Variants in CNBD1 observed in about 807,000 individuals in gnomAD.
The protein encoded by CNBD1 is cyclic nucleotide-binding domain-containing protein 1.
In CNBD1, 71 loss-of-function variants were observed where a neutral mutation model predicts 54.4. The observed-to-expected ratio is 1.30, with a 90% confidence interval of 1.08 to 1.59. The LOEUF is 1.59. Ranked by LOEUF, CNBD1 falls within the 40% of genes most tolerant of loss-of-function variation. The pLI is 0.00. For synonymous variants in CNBD1, 182 were observed against 170.7 expected (o/e 1.07, Z -0.51); for missense variants, 659 against 518.0 (o/e 1.27, Z -2.64).
At chr8:87,347,764 T>G (rs1462501183) in intron 8 of CNBD1, among the ~76,000 whole-genome samples, 1 of 152,132 alleles carries the variant, frequency 6.6e-6, no homozygotes, top group Non-Finnish European at 1.5e-5. Context: ...AGCATTTGTC[T>G]TACATTGCCT....
At chr8:87,190,982 A>T (rs1039920222) in intron 4 of CNBD1, among the ~76,000 whole-genome samples, 12 of 144,944 alleles carry the variant, frequency 8.3e-5, no homozygotes, top group African/African-American at 3.1e-4. Flanking sequence ...ATATATATGT[A>T]TCTAATGAAA....
intron 10 of CNBD1, among the ~76,000 whole-genome samples, chr8:87,355,523 C>T (rs978500408): frequency 9.2e-5 from 14 of 151,856 alleles, no homozygotes; most frequent in African/African-American, 2.9e-4. Flanking sequence ...CCTCCAAATA[C>T]TATAAATACT....
At chr8:87,036,625 G>A (rs1022505854) in intron 4 of CNBD1, among the ~76,000 whole-genome samples, 7 of 143,342 alleles carry the variant, frequency 4.9e-5, no homozygotes, top group African/African-American at 1.8e-4. Context: ...AAAAAGATTG[G>A]TCACAGGTGT....
At chr8:87,280,369 A>C (rs1296500425) in intron 6 of CNBD1, among the ~76,000 whole-genome samples, 1 of 151,556 alleles carries the variant, frequency 6.6e-6, no homozygotes, top group Non-Finnish European at 1.5e-5. Context: ...AAGCTAATAG[A>C]AACTCATTCA....
chr8:87,026,272 T>A (rs972121211), intron 4 of CNBD1, among the ~76,000 whole-genome samples: 9 of 151,754 alleles, frequency 5.9e-5, no homozygotes, highest in South Asian at 4.2e-4. Context: ...ACTGAAGAGT[T>A]TTTCTTTTCT....
At chr8:87,208,990 G>C (rs1814035521) in intron 5 of CNBD1, among the ~76,000 whole-genome samples, 1 of 151,858 alleles carries the variant, frequency 6.6e-6, no homozygotes, top group Non-Finnish European at 1.5e-5. Flanking sequence ...TAAAAATATG[G>C]TAGCTAAATC....
chr8:87,036,194 T>C (rs1809938836), intron 4 of CNBD1, among the ~76,000 whole-genome samples: 1 of 152,212 alleles, frequency 6.6e-6, no homozygotes, highest in African/African-American at 2.4e-5. Flanking sequence ...ATCTCTTACA[T>C]CCATTAAATT....
chr8:87,038,746 A>G (rs1810001949), intron 4 of CNBD1, among the ~76,000 whole-genome samples: 1 of 152,198 alleles, frequency 6.6e-6, no homozygotes, highest in African/African-American at 2.4e-5. Context: ...ATGTCTTCCA[A>G]AGTTAGCTTG....
At chr8:86,880,459 A>G (rs1808590987) in intron 1 of CNBD1, among the ~76,000 whole-genome samples, 3 of 152,370 alleles carry the variant, frequency 2.0e-5, no homozygotes, top group Admixed American at 2.0e-4. Context: ...GAAGATTTAT[A>G]CTATATGGGA....
chr8:86,939,180 A>G (rs558455327), intron 3 of CNBD1, among the ~76,000 whole-genome samples: 72 of 152,278 alleles, frequency 4.7e-4, no homozygotes, highest in African/African-American at 1.7e-3. Context: ...ATAGATTACC[A>G]GTGGTAAATA....
At chr8:87,369,560 T>C (rs1183558747) in intron 10 of CNBD1, among the ~76,000 whole-genome samples, 1 of 151,942 alleles carries the variant, frequency 6.6e-6, no homozygotes, top group Non-Finnish European at 1.5e-5. Context: ...TGTTTGAAGA[T>C]TAGTTTTGTT....
chr8:87,419,041 G>T (rs1487808024), intron 2 of CNBD1, among the ~76,000 whole-genome samples: 1 of 151,834 alleles, frequency 6.6e-6, no homozygotes, highest in Non-Finnish European at 1.5e-5. Flanking sequence ...GTGCCAAAGT[G>T]TAAACAACCT....
At chr8:87,360,060 T>A (rs1253342644) in intron 10 of CNBD1, among the ~76,000 whole-genome samples, 1 of 152,004 alleles carries the variant, frequency 6.6e-6, no homozygotes, top group African/African-American at 2.4e-5. Context: ...ATACTCTCTA[T>A]TTGGTCTTAT....
intron 4 of CNBD1, among the ~76,000 whole-genome samples, chr8:87,148,319 T>C (rs1812531776): frequency 6.6e-6 from 1 of 152,216 alleles, no homozygotes; most frequent in African/African-American, 2.4e-5. Context: ...ATGGCGTGAT[T>C]TGTCATTAAA....
At chr8:87,293,765 A>G (rs773836212) in intron 8 of CNBD1, among the ~76,000 whole-genome samples, 48 of 152,182 alleles carry the variant, frequency 3.2e-4, no homozygotes, top group East Asian at 5.8e-4. Flanking sequence ...ATATCAACAC[A>G]CACAGTGGAA....
chr8:87,130,477 T>G (rs1812095269), intron 4 of CNBD1, among the ~76,000 whole-genome samples: 1 of 152,126 alleles, frequency 6.6e-6, no homozygotes, highest in African/African-American at 2.4e-5. Flanking sequence ...TCTGGTTGTC[T>G]TTTAAAAATT....
At chr8:87,312,188 T>C (rs1300070387) in intron 8 of CNBD1, among the ~76,000 whole-genome samples, 2 of 151,994 alleles carry the variant, frequency 1.3e-5, no homozygotes, top group Non-Finnish European at 2.9e-5. Flanking sequence ...AAACATATAT[T>C]CCCCTCCCCC....
rs547782745 is a variant in CNBD1, at chr8:86,966,027, G to T, written c.431+26273G>T. 1.4e-4 allele frequency among the ~76,000 whole-genome samples: 22 copies of T among 152,250 alleles called. No homozygotes were observed. In the Middle Eastern group the frequency reaches 0.014, roughly 94 times the overall value. ...GGTTGTCCTCTGCCCTTCTCTGGCTGAGCCCAGGGCTTTTATGGACCTCAA... is the reference window on the plus strand; with the variant it reads ...GGTTGTCCTCTGCCCTTCTCTGGCTTAGCCCAGGGCTTTTATGGACCTCAA... On this transcript the variant is annotated intron_variant, in intron 4 of 10. Coordinates refer to ENST00000518476, the MANE Select transcript of CNBD1 (RefSeq NM_173538.3).
At chr8:87,298,779 C>T (rs140242162) in intron 8 of CNBD1, among the ~76,000 whole-genome samples, 99 of 150,886 alleles carry the variant, frequency 6.6e-4, no homozygotes, top group African/African-American at 2.0e-3. Flanking sequence ...CCACCATGCC[C>T]GGCCCAAATG....
Sources: allele counts gnomAD v4.1 joint callset (sites outside exome capture counted in the v4.1 genomes callset), GRCh38; gene constraint gnomAD v4.1.1; transcripts MANE v1.5; gene names NCBI Gene and HGNC (gene_info 2026-07-23, HGNC 2026-07-21).